Variants in ARHGEF26 observed in about 807,000 individuals in gnomAD.
ARHGEF26 encodes the protein Rho guanine nucleotide exchange factor (GEF) 26.
Under a neutral mutation model 89.4 loss-of-function variants are expected in ARHGEF26, and 59 were observed. The ratio of observed to expected loss-of-function variants is 0.66; its 90% CI spans 0.54 to 0.82. The LOEUF (loss-of-function observed/expected upper bound fraction) is 0.82, where lower values mean the gene tolerates loss of function less well. ARHGEF26 is among the 40% of genes least tolerant of loss of function. The pLI is 0.00. For missense variants in ARHGEF26, 1,234 were observed against 1,085.6 expected (o/e 1.14, Z -1.92); for synonymous variants, 500 against 428.4 (o/e 1.17, Z -2.06).
intron 6 of ARHGEF26, among the ~76,000 whole-genome samples, chr3:154,163,572 T>C (rs986764076): frequency 1.3e-5 from 2 of 152,194 alleles, no homozygotes; most frequent in Non-Finnish European, 2.9e-5. Context: ...TTGAACTTGC[T>C]CCTGTTGGTG....
intron 13 of ARHGEF26, among the ~76,000 whole-genome samples, chr3:154,253,768 A>G (rs1718309104): frequency 6.6e-6 from 1 of 152,106 alleles, no homozygotes; most frequent in Non-Finnish European, 1.5e-5. Context: ...GGTTTCTTAG[A>G]TTATTACAGT....
At chr3:154,162,321 T>G (rs897822075) in intron 6 of ARHGEF26, among the ~76,000 whole-genome samples, 5 of 152,322 alleles carry the variant, frequency 3.3e-5, no homozygotes, top group Non-Finnish European at 7.4e-5. Flanking sequence ...GGGAGATGGT[T>G]GATGAATTAA....
At chr3:154,125,556 T>G (rs374841608) in intron 3 of ARHGEF26, among the ~76,000 whole-genome samples, 10 of 152,218 alleles carry the variant, frequency 6.6e-5, no homozygotes, top group Non-Finnish European at 1.3e-4. Context: ...GCACTCTGAC[T>G]ATGAAGTGAA....
intron 6 of ARHGEF26, among the ~76,000 whole-genome samples, chr3:154,161,128 G>T (rs1430144179): frequency 6.6e-6 from 1 of 151,652 alleles, no homozygotes; most frequent in Non-Finnish European, 1.5e-5. Context: ...GTGTGTGTGT[G>T]TGTGTGTGTG....
chr3:154,164,219 T>C (rs16823729), intron 6 of ARHGEF26, among the ~76,000 whole-genome samples: 22,026 of 151,968 alleles, frequency 0.14, 1,904 homozygotes, highest in East Asian at 0.36. Flanking sequence ...ATCAACTTTA[T>C]GTAAAAAAGC....
At chr3:154,213,016 T>G (rs1715474379) in intron 9 of ARHGEF26, among the ~76,000 whole-genome samples, 1 of 152,160 alleles carries the variant, frequency 6.6e-6, no homozygotes, top group Non-Finnish European at 1.5e-5. Context: ...CACAAGAATG[T>G]TTTAAATTCT....
intron 9 of ARHGEF26, among the ~76,000 whole-genome samples, chr3:154,195,403 A>G (rs1435619423): frequency 7.2e-5 from 11 of 152,188 alleles, no homozygotes; most frequent in Admixed American, 7.2e-4. Context: ...TGTAGAGGCT[A>G]AATTCATGTA....
intron 11 of ARHGEF26, among the ~76,000 whole-genome samples, chr3:154,226,638 T>C (rs965116897): frequency 6.8e-6 from 1 of 146,380 alleles, no homozygotes; most frequent in African/African-American, 2.5e-5. Context: ...CCAGTATTTC[T>C]TCTGTCAGAC....
intron 11 of ARHGEF26, among the ~76,000 whole-genome samples, chr3:154,239,291 A>AGT (rs1717331549): frequency 9.7e-5 from 6 of 61,876 alleles, no homozygotes; most frequent in South Asian, 8.6e-4. Context: ...AGAGAGAGAG[A>AGT]GAGAGAGAGT....
At chr3:154,248,692 G>A (rs1201218701) in intron 12 of ARHGEF26, among the ~76,000 whole-genome samples, 1 of 151,944 alleles carries the variant, frequency 6.6e-6, no homozygotes. Context: ...AGATTTTTTA[G>A]GTCTGAGCTA....
At chr3:154,140,539 A>T (rs1365514985) in intron 4 of ARHGEF26, among the ~76,000 whole-genome samples, 1 of 147,218 alleles carries the variant, frequency 6.8e-6, no homozygotes. Context: ...CCTTTTTACT[A>T]TGCTTGTCTT....
At chr3:154,181,189 A>C (rs1270317476) in intron 6 of ARHGEF26, among the ~76,000 whole-genome samples, 2 of 152,222 alleles carry the variant, frequency 1.3e-5, no homozygotes, top group Non-Finnish European at 2.9e-5. Flanking sequence ...ATATAAATTC[A>C]TTTTGGTAGA....
chr3:154,171,422 C>G (rs1712430893), intron 6 of ARHGEF26, among the ~76,000 whole-genome samples: 1 of 152,184 alleles, frequency 6.6e-6, no homozygotes, highest in Non-Finnish European at 1.5e-5. Context: ...ATGTTCTACA[C>G]TCTATGGGAT....
intron 4 of ARHGEF26, among the ~76,000 whole-genome samples, chr3:154,140,969 A>AT (rs11400861): frequency 0.69 from 100,100 of 145,836 alleles, 34,257 homozygotes; most frequent in Non-Finnish European, 0.76. Context: ...CTTCCATCCT[A>AT]TTTTTTTTTT....
chr3:154,152,665 A>C (rs1232188517), intron 5 of ARHGEF26, 107 bp from the exon 6 acceptor site: 2 of 778,888 alleles, frequency 2.6e-6, no homozygotes, highest in Admixed American at 3.9e-5. Flanking sequence ...AAGATACTAT[A>C]CCTGAAAAGT....
At chr3:154,254,654 C>A in intron 13 of ARHGEF26, 66 bp from the exon 14 acceptor site, 1 of 1,227,104 alleles carries the variant, frequency 8.1e-7, no homozygotes, top group Admixed American at 1.8e-5. Context: ...AGTAAGTGTA[C>A]ATTATTGGAT....
At chr3:154,170,881 T>A (rs1248093509) in intron 6 of ARHGEF26, among the ~76,000 whole-genome samples, 2 of 152,216 alleles carry the variant, frequency 1.3e-5, no homozygotes, top group Non-Finnish European at 2.9e-5. Context: ...AATGTAAGGA[T>A]GATTCATAAT....
At chr3:154,173,393 A>G (rs357480) in intron 6 of ARHGEF26, among the ~76,000 whole-genome samples, 138,573 of 152,270 alleles carry the variant, frequency 0.91, 63,271 homozygotes, top group East Asian at 1. Flanking sequence ...ATGAAGAGAC[A>G]ATTGAATGTA....
At chr3:154,190,606 A>AT (rs1401906835) in intron 7 of ARHGEF26, among the ~76,000 whole-genome samples, 1 of 152,070 alleles carries the variant, frequency 6.6e-6, no homozygotes, top group Non-Finnish European at 1.5e-5. Flanking sequence ...TCTGCATTCC[A>AT]TTTTCTTACT....
Sources: gnomAD v4.1 joint callset for allele counts (sites outside exome capture counted in the v4.1 genomes callset) on GRCh38, gnomAD v4.1.1 for gene constraint, MANE v1.5 for transcripts, NCBI Gene and HGNC (gene_info 2026-07-23, HGNC 2026-07-21) for gene names.